Variants in RBFOX1 observed in about 807,000 individuals in gnomAD.
RBFOX1 encodes the protein RNA binding fox-1 homolog 1, also known as RNA binding protein fox-1 homolog 1.
In RBFOX1, 8 loss-of-function variants were observed where a neutral mutation model predicts 57.7. The ratio of observed to expected loss-of-function variants is 0.14; its 90% confidence interval spans 0.08 to 0.25. The LOEUF (loss-of-function observed/expected upper bound fraction) is 0.25, where lower values mean the gene tolerates loss of function less well. Among genes scored for constraint, RBFOX1 ranks in the 10% least tolerant of loss-of-function variants. The probability of loss-of-function intolerance (pLI) is 1.00; values close to 1 mark genes in which losing one functional copy is unlikely to be tolerated. For missense variants in RBFOX1, 611 were observed against 548.5 expected (o/e 1.11, Z -1.14); for synonymous variants, 326 against 222.4 (o/e 1.47, Z -4.15).
At chr16:6,719,910 T>C (rs2065629344) in intron 3 of RBFOX1, among the ~76,000 whole-genome samples, 1 of 151,704 alleles carries the variant, frequency 6.6e-6, no homozygotes, top group Non-Finnish European at 1.5e-5. Context: ...CTGGCCATCA[T>C]GGTGAAAACC....
intron 2 of RBFOX1, among the ~76,000 whole-genome samples, chr16:5,539,299 A>G (rs977534579): frequency 2.0e-5 from 3 of 152,112 alleles, no homozygotes; most frequent in Non-Finnish European, 4.4e-5. Flanking sequence ...CCTTGTTCCA[A>G]GGGAGTGATG....
chr16:6,495,976 T>G (rs2095757639), intron 2 of RBFOX1, among the ~76,000 whole-genome samples: 1 of 152,212 alleles, frequency 6.6e-6, no homozygotes, highest in African/African-American at 2.4e-5. Context: ...TATAAAGTAT[T>G]TAATATTTTT....
At chr16:7,571,503 T>G (rs926257294) in intron 5 of RBFOX1, among the ~76,000 whole-genome samples, 1 of 152,216 alleles carries the variant, frequency 6.6e-6, no homozygotes, top group African/African-American at 2.4e-5. Flanking sequence ...TGGTTCTTTA[T>G]TAAGGTCTTT....
chr16:6,429,252 T>C (rs1201192780), intron 2 of RBFOX1, among the ~76,000 whole-genome samples: 1 of 152,252 alleles, frequency 6.6e-6, no homozygotes, highest in Non-Finnish European at 1.5e-5. Flanking sequence ...AGAAAAGGTC[T>C]TGATGAAGGA....
chr16:6,899,370 C>T (rs12922029), intron 3 of RBFOX1, among the ~76,000 whole-genome samples: 1 of 152,034 alleles, frequency 6.6e-6, no homozygotes, highest in Admixed American at 6.5e-5. Context: ...TTCTTCTTCC[C>T]TAGGCATTAA....
At chr16:7,362,125 TTTGTG>T (rs2097335845) in intron 4 of RBFOX1, among the ~76,000 whole-genome samples, 3 of 151,824 alleles carry the variant, frequency 2.0e-5, no homozygotes, top group Admixed American at 1.3e-4. Flanking sequence ...GTGTGGATGT[TTTGTG>T]TGTGTGTTAG....
At chr16:5,524,030 G>C (rs1180613014) in intron 2 of RBFOX1, among the ~76,000 whole-genome samples, 2 of 152,200 alleles carry the variant, frequency 1.3e-5, no homozygotes, top group Admixed American at 1.3e-4. Context: ...TAATCCGCCA[G>C]CACCTCATAA....
At chr16:7,188,274 A>G (rs957927225) in intron 4 of RBFOX1, among the ~76,000 whole-genome samples, 8 of 152,264 alleles carry the variant, frequency 5.3e-5, no homozygotes, top group Admixed American at 3.3e-4. Flanking sequence ...AAAAGTTAAC[A>G]TAAGTGCTTT....
At chr16:6,945,624 C>G (rs1398451973) in intron 3 of RBFOX1, among the ~76,000 whole-genome samples, 2 of 152,050 alleles carry the variant, frequency 1.3e-5, no homozygotes, top group African/African-American at 4.8e-5. Flanking sequence ...GGCTCGGTGG[C>G]TCACGCCTGT....
At chr16:6,169,284 T>G (rs1249847436) in intron 1 of RBFOX1, among the ~76,000 whole-genome samples, 1 of 152,100 alleles carries the variant, frequency 6.6e-6, no homozygotes, top group Non-Finnish European at 1.5e-5. Context: ...CTGGAGAGTC[T>G]AATGGACCAC....
intron 2 of RBFOX1, among the ~76,000 whole-genome samples, chr16:5,533,713 G>A (rs2044578742): frequency 6.6e-6 from 1 of 152,198 alleles, no homozygotes; most frequent in African/African-American, 2.4e-5. Flanking sequence ...CTTGTAAAAT[G>A]ACCATGTGGA....
intron 5 of RBFOX1, among the ~76,000 whole-genome samples, chr16:7,527,710 A>T (rs1018838177): frequency 6.6e-6 from 1 of 152,128 alleles, no homozygotes; most frequent in Non-Finnish European, 1.5e-5. Flanking sequence ...GTGAAATCCT[A>T]ATACAGTAAT....
At chr16:7,470,016 AG>A (rs2061275361) in intron 4 of RBFOX1, among the ~76,000 whole-genome samples, 2 of 119,802 alleles carry the variant, frequency 1.7e-5, no homozygotes, top group Non-Finnish European at 3.7e-5. Flanking sequence ...AGCATGGGTC[AG>A]TTTTTTTTTT....
chr16:6,119,491 A>C (rs1319299610), intron 1 of RBFOX1, among the ~76,000 whole-genome samples: 1 of 152,188 alleles, frequency 6.6e-6, no homozygotes, highest in Non-Finnish European at 1.5e-5. Flanking sequence ...TTAAAAGTAC[A>C]CTAATTTATT....
At chr16:6,195,998 A>G (rs2097177598) in intron 1 of RBFOX1, among the ~76,000 whole-genome samples, 1 of 152,236 alleles carries the variant, frequency 6.6e-6, no homozygotes, top group Non-Finnish European at 1.5e-5. Context: ...AGAATCATAA[A>G]GACTAGGAGT....
chr16:6,657,745 G>C (rs142995828), intron 3 of RBFOX1, among the ~76,000 whole-genome samples: 2 of 152,116 alleles, frequency 1.3e-5, no homozygotes, highest in African/African-American at 4.8e-5. Flanking sequence ...TCTCTGAAGC[G>C]GCAGCCTCTT....
chr16:5,524,383 G>A (rs1053588006), intron 2 of RBFOX1, among the ~76,000 whole-genome samples: 1 of 152,102 alleles, frequency 6.6e-6, no homozygotes, highest in Non-Finnish European at 1.5e-5. Context: ...AATTCTTTTG[G>A]GAGGGCAAGC....
chr16:6,576,963 C>T (rs1026832072), intron 2 of RBFOX1: 5 of 152,296 alleles, frequency 3.3e-5, no homozygotes, highest in Admixed American at 2.0e-4. Context: ...CATTTCCAGC[C>T]CCCCTTTTAT....
chr16:5,980,683 A>T (rs1054826789), intron 4 of RBFOX1, among the ~76,000 whole-genome samples: 1 of 152,112 alleles, frequency 6.6e-6, no homozygotes, highest in Non-Finnish European at 1.5e-5. Flanking sequence ...AATTAATATC[A>T]TGAGGAGGTT....
Sources: allele counts gnomAD v4.1 joint callset (sites outside exome capture counted in the v4.1 genomes callset), GRCh38; gene constraint gnomAD v4.1.1; transcripts MANE v1.5; gene names NCBI Gene and HGNC (gene_info 2026-07-23, HGNC 2026-07-21).